TP63: variants seen among roughly 807,000 people sequenced by gnomAD.
TP63 encodes tumor protein 63.
A neutral mutation model predicts 82.8 loss-of-function variants in TP63; 17 were observed. That is an observed-to-expected ratio of 0.21 (90% CI 0.14 to 0.31). The LOEUF is 0.31. TP63 is among the 10% of genes least tolerant of loss of function. The pLI, the probability that TP63 is intolerant of heterozygous loss-of-function variation, is 1.00. For missense variants in TP63, 648 were observed against 895.3 expected, an observed-to-expected ratio of 0.72 and a Z score of 3.52; for synonymous variants, 330 against 321.7, an observed-to-expected ratio of 1.03 and a Z score of -0.28.
At position 189,810,454 on chromosome 3, in the gene TP63, C is replaced by A. The variant is rs1020871386; in HGVS notation, c.579+1928C>A. 2.0e-5 allele frequency among the ~76,000 whole-genome samples: 3 copies of A among 152,112 alleles called. No homozygotes were observed. In the East Asian group the frequency reaches 5.8e-4, roughly 29 times the overall value. On this transcript the variant is annotated intron_variant, in intron 4 of 13. Coordinates refer to ENST00000264731, the MANE Select transcript of TP63 (RefSeq NM_003722.5). ...ATATTAGGGCTGCTAAATGAATAAT[C>A]GCTTTTTTTCCCTGTAAAATTTTTA...
At chr3:189,719,658 T>C (rs545606420) in intron 1 of TP63, among the ~76,000 whole-genome samples, 10 of 152,224 alleles carry the variant, frequency 6.6e-5, no homozygotes, top group Non-Finnish European at 1.3e-4. Flanking sequence ...AGTCATAGAC[T>C]ACACCTAAAC....
rs1718620659 is a variant in TP63, at chr3:189,873,014, C to T, written c.1349+19C>T. Reference sequence around the variant, plus strand: ...AGAAACAGTGAGTGTATCAACGTGTCATTTTAGGAGGCATGAGTGAGGGTG... The same window carrying T: ...AGAAACAGTGAGTGTATCAACGTGTTATTTTAGGAGGCATGAGTGAGGGTG... On this transcript the variant is annotated intron_variant, in intron 10 of 13. Coordinates refer to ENST00000264731, the MANE Select transcript of TP63 (RefSeq NM_003722.5). The T allele has an allele frequency of 1.9e-6, 3 of 1,614,064 alleles. No homozygotes were observed. The highest frequency in any genetic ancestry group is 2.5e-6 in the Non-Finnish European group (3 of 1,179,974).
At chr3:189,855,694 G>GTA (rs1408025270) in intron 4 of TP63, among the ~76,000 whole-genome samples, 2 of 151,596 alleles carry the variant, frequency 1.3e-5, no homozygotes, top group African/African-American at 2.4e-5. Flanking sequence ...TAGTTTGTGT[G>GTA]TATATATGTG....
intron 1 of TP63, among the ~76,000 whole-genome samples, chr3:189,710,543 T>A: frequency 6.6e-6 from 1 of 152,174 alleles, no homozygotes; most frequent in East Asian, 1.9e-4. Flanking sequence ...CAGTTTTGGA[T>A]TATTTCTTAT....
At chr3:189,707,969 A>G (rs1718325555) in intron 1 of TP63, among the ~76,000 whole-genome samples, 1 of 152,242 alleles carries the variant, frequency 6.6e-6, no homozygotes, top group African/African-American at 2.4e-5. Context: ...AAAATTTCAT[A>G]AAACAATACT....
intron 10 of TP63, chr3:189,879,927 A>C (rs1386761454): frequency 8.1e-7 from 1 of 1,237,834 alleles, no homozygotes; most frequent in African/African-American, 1.5e-5. Context: ...TGGAAGAACA[A>C]AAATAGCTTT....
chr3:189,814,009 G>T (rs1457645366), intron 4 of TP63, among the ~76,000 whole-genome samples: 2 of 152,204 alleles, frequency 1.3e-5, no homozygotes, highest in East Asian at 3.9e-4. Context: ...GATTAGGGAG[G>T]TGGCGTTTGA....
Position 189,894,652 on chromosome 3 carries a change from C to T in TP63, c.*150C>T, listed in dbSNP as rs893608922. ...GGAGAAGTAAGAGGCTACCTCTTACCTAACATCTGACCTGGCATCTAATTC... is the reference window on the plus strand; with the variant it reads ...GGAGAAGTAAGAGGCTACCTCTTACTTAACATCTGACCTGGCATCTAATTC... On this transcript the variant is annotated 3_prime_UTR_variant, in exon 14 of 14. Coordinates refer to ENST00000264731, the MANE Select transcript of TP63 (RefSeq NM_003722.5). 7.8e-6 allele frequency: 7 copies of T among 901,484 alleles called. No individual in the cohort carries two copies. Among genetic ancestry groups the T allele is most frequent in the Non-Finnish European group, 1.0e-5 (6 of 594,026 alleles). 55.8% of individuals were successfully genotyped at this position (901,484 alleles called of 1,614,324 possible).
At chr3:189,631,606 C>A (rs1320771447) in intron 1 of TP63, 29 bp downstream of exon 1, 1 of 1,612,330 alleles carries the variant, frequency 6.2e-7, no homozygotes, top group Admixed American at 1.7e-5. Flanking sequence ...TAACTTCTCT[C>A]AAAACTTAAT....
rs372521628 is a variant in TP63, at chr3:189,774,023, T to C, written c.325-34249T>C. On this transcript the variant is annotated intron_variant, in intron 3 of 13. Coordinates refer to ENST00000264731, the MANE Select transcript of TP63 (RefSeq NM_003722.5). ...CTGCAAGCTCCGCCTCCTGGGTTCA[T>C]GCCATTCTCCTGCCTCAGCCTCCTG... Among the ~76,000 whole-genome samples the C allele has an allele frequency of 5.1e-4, 76 of 148,258 alleles. 1 individual carries two copies. The South Asian group carries it at 9.4e-3, about 18-fold the overall frequency.
At chr3:189,832,983 G>A (rs115180116) in intron 4 of TP63, among the ~76,000 whole-genome samples, 3 of 152,274 alleles carry the variant, frequency 2.0e-5, no homozygotes, top group Admixed American at 6.5e-5. Flanking sequence ...ATTTAAGCAC[G>A]TTTAATGAGA....
chr3:189,606,561 T>C, the TP63 span, among the ~76,000 whole-genome samples: 1 of 131,058 alleles, frequency 7.6e-6, no homozygotes, highest in Non-Finnish European at 1.5e-5. Flanking sequence ...TCACCTAGGC[T>C]GGAGGGCAGT....
chr3:189,881,018 C>T (rs1178960879), intron 10 of TP63: 1 of 985,216 alleles, frequency 1.0e-6, no homozygotes. Flanking sequence ...TAATATTGCC[C>T]TTACGTAGTT....
At chr3:189,888,075 C>T (rs533969389) in intron 11 of TP63, among the ~76,000 whole-genome samples, 7 of 152,130 alleles carry the variant, frequency 4.6e-5, no homozygotes, top group Admixed American at 1.3e-4. Flanking sequence ...CCAGACTGGT[C>T]GCGAACTCCT....
Position 189,894,475 on chromosome 3 carries a change from A to T in TP63, c.2016A>T (p.Gln672His). The stretch of plus-strand genomic sequence containing the variant: ...ACATGGATGCTCGCCGCAATAAGCA[A>T]CAGCGCATCAAAGAGGAGGGGGAGT... ...NFDMDARRNK[Q>H]QRIKEEGE The change falls in exon 14 of 14, where the codon CAA becomes CAT. Residue 672 changes from glutamine to histidine, a missense_variant. Physicochemically the swap from Gln to His is conservative, Grantham distance 24. Around this residue, in one of 5 missense-constraint regions of TP63, gnomAD observed 342 missense variants for 425.7 expected, o/e 0.80. Transcript: ENST00000264731. 6.2e-7 allele frequency: 1 copy of T among 1,613,874 alleles called. No individual in the cohort carries two copies. Among genetic ancestry groups the T allele is most frequent in the South Asian group, 1.1e-5 (1 of 91,066 alleles).
At chr3:189,870,654 A>G (rs999284252) in intron 9 of TP63, among the ~76,000 whole-genome samples, 3 of 152,186 alleles carry the variant, frequency 2.0e-5, no homozygotes, top group Non-Finnish European at 4.4e-5. Context: ...CCTACAAGGG[A>G]CATTACTTCT....
the TP63 span, among the ~76,000 whole-genome samples, chr3:189,622,386 A>T: frequency 6.6e-6 from 1 of 152,342 alleles, no homozygotes; most frequent in Non-Finnish European, 1.5e-5. Context: ...GAAATGGGTT[A>T]ATTTGAGATC....
chr3:189,727,875 A>G (rs1330951043), intron 1 of TP63, among the ~76,000 whole-genome samples: 7 of 152,242 alleles, frequency 4.6e-5, no homozygotes, highest in Admixed American at 3.9e-4. Flanking sequence ...TTTGCATGCT[A>G]TAATGCTAAA....
rs570340660 is a variant in TP63 at position 189,832,697 on chromosome 3, G to A, written c.579+24171G>A. On this transcript the variant is annotated intron_variant, in intron 4 of 13. Coordinates refer to ENST00000264731, the MANE Select transcript of TP63 (RefSeq NM_003722.5). ...AAAACTGGTAGTTAATATATGTTGA[G>A]TACCAGGTCAAAAACTCCATAAGAC... Among the ~76,000 whole-genome samples the A allele has an allele frequency of 2.4e-4, 36 of 152,292 alleles. No individual in the cohort carries two copies. In the South Asian group the frequency reaches 7.5e-3, roughly 32 times the overall value.
Sources: gnomAD v4.1 joint callset for allele counts (sites outside exome capture counted in the v4.1 genomes callset) on GRCh38, gnomAD v4.1.1 for gene constraint, gnomAD v4.1.1 regional missense constraint, MANE v1.5 for transcripts, NCBI Gene and HGNC (gene_info 2026-07-23, HGNC 2026-07-21) for gene names.